DNAH8: variants seen among roughly 807,000 people sequenced by gnomAD.
DNAH8 encodes the protein axonemal beta dynein heavy chain 8.
In DNAH8, 382 loss-of-function variants were observed where a neutral mutation model predicts 562.1. That is an observed-to-expected ratio of 0.68 (90% confidence interval 0.63 to 0.74). The LOEUF is 0.74. Among genes scored for constraint, DNAH8 ranks in the 30% least tolerant of loss-of-function variants. The pLI is 0.00. For missense variants in DNAH8, 5,203 were observed against 5,620.4 expected (o/e 0.93, Z 2.37); for synonymous variants, 1,881 against 1,919.4 (o/e 0.98, Z 0.52).
At chr6:38,892,448 GCTT>G (rs1258678055) in intron 58 of DNAH8, among the ~76,000 whole-genome samples, 1 of 152,050 alleles carries the variant, frequency 6.6e-6, no homozygotes, top group African/African-American at 2.4e-5. Context: ...CAGTTATCCT[GCTT>G]CTTAGGTTAA....
At chr6:38,886,728 A>G in intron 56 of DNAH8, 63 bp from the exon 57 acceptor site, 2 of 1,239,752 alleles carry the variant, frequency 1.6e-6, no homozygotes, top group South Asian at 1.2e-5. Context: ...GTACTATTTT[A>G]TTGAAGTTAT....
At chr6:38,743,234 C>T (rs1036294018) in intron 8 of DNAH8, among the ~76,000 whole-genome samples, 3 of 151,954 alleles carry the variant, frequency 2.0e-5, no homozygotes, top group Non-Finnish European at 2.9e-5. Flanking sequence ...AACTCCTGGG[C>T]TCAAGCGATT....
intron 58 of DNAH8, among the ~76,000 whole-genome samples, chr6:38,893,363 A>G (rs1779464424): frequency 6.6e-6 from 1 of 152,208 alleles, no homozygotes; most frequent in Non-Finnish European, 1.5e-5. Context: ...TGAAAAGTAG[A>G]GGGAAATATT....
intron 67 of DNAH8, 27 bp from the exon 68 acceptor site, chr6:38,915,174 C>G: frequency 6.4e-7 from 1 of 1,564,424 alleles, no homozygotes; most frequent in Non-Finnish European, 8.6e-7. Context: ...TTTCTATTGG[C>G]TTTCATGTGT....
At chr6:38,734,386 C>T (rs1763915968) in intron 4 of DNAH8, 88 bp from the exon 5 acceptor site, 1 of 1,346,622 alleles carries the variant, frequency 7.4e-7, no homozygotes. Flanking sequence ...TAAAGTAAAA[C>T]AGGAAACAAT....
intron 85 of DNAH8, among the ~76,000 whole-genome samples, chr6:38,981,063 T>TGTA (rs1554152118): frequency 1.2e-3 from 109 of 88,322 alleles, no homozygotes; most frequent in Non-Finnish European, 1.9e-3. Flanking sequence ...GTGTGTGTGT[T>TGTA]GAGTTGGGGA....
rs1782084741 is a variant in DNAH8 at position 38,925,999 on chromosome 6, T to G, written c.10963-56T>G. On this transcript the variant is annotated intron_variant, in intron 73 of 92. Coordinates refer to ENST00000327475, the MANE Select transcript of DNAH8 (RefSeq NM_001206927.2). The stretch of plus-strand genomic sequence containing the variant: ...TTTACTTTACAGTACTTTTAATTAC[T>G]AATGAGGGCATTCCTGTTCTCCTTT... 2.1e-6 allele frequency: 3 copies of G among 1,451,544 alleles called. No homozygotes were observed. The Admixed American group carries it at 6.3e-5, about 31-fold the overall frequency. 89.9% of individuals were successfully genotyped at this position (1,451,544 alleles called of 1,614,324 possible). A position where few individuals can be genotyped will look rare whatever the true frequency, so the allele number is the denominator to read the frequency against.
chr6:38,780,763 A>G (rs1236829222), intron 15 of DNAH8, among the ~76,000 whole-genome samples: 4 of 152,200 alleles, frequency 2.6e-5, no homozygotes, highest in African/African-American at 9.7e-5. Flanking sequence ...TGATGAAAAA[A>G]TCTGTACAAC....
At chr6:38,970,954 G>T (rs565901366) in intron 82 of DNAH8, among the ~76,000 whole-genome samples, 100 of 152,250 alleles carry the variant, frequency 6.6e-4, no homozygotes, top group African/African-American at 2.2e-3. Flanking sequence ...ATTTCTCATC[G>T]TGGAGTGTTT....
chr6:38,816,264 ATG>A lies in DNAH8; in HGVS notation c.3523+611_3523+612del, dbSNP rs1288011803. Among the ~76,000 whole-genome samples the A allele has an allele frequency of 2.0e-5, 3 of 151,776 alleles. No individual in the cohort carries two copies. In the East Asian group the frequency reaches 5.8e-4, roughly 29 times the overall value. ...CCATCCCCCACCAACAGGCTCCAGTATGTGTTGTTCCCCTCCCTATGTCAATG... is the reference window on the plus strand; with the variant it reads ...CCATCCCCCACCAACAGGCTCCAGTATGTTGTTCCCCTCCCTATGTCAATG... On this transcript the variant is annotated intron_variant, in intron 26 of 92. Coordinates refer to ENST00000327475, the MANE Select transcript of DNAH8 (RefSeq NM_001206927.2).
intron 33 of DNAH8, 99 bp downstream of exon 33, chr6:38,838,141 C>T: frequency 1.4e-6 from 1 of 733,076 alleles, no homozygotes; most frequent in East Asian, 2.8e-5. Flanking sequence ...GCAGAGGACA[C>T]TACAGCTTGG....
chr6:38,883,497 A>G (rs368215571), intron 55 of DNAH8, 41 bp downstream of exon 55: 1 of 1,542,740 alleles, frequency 6.5e-7, no homozygotes, highest in Non-Finnish European at 8.8e-7. Context: ...AACATAATAC[A>G]TTTTAAATTA....
At position 38,815,619 on chromosome 6, in the gene DNAH8, C is replaced by T; in HGVS notation, c.3485C>T (p.Thr1162Ile). 8 of 1,613,058 alleles carry T rather than the reference C, an allele frequency of 5.0e-6. No homozygotes were observed. The highest frequency in any genetic ancestry group is 6.8e-6 in the Non-Finnish European group (8 of 1,179,394). ...VIPSPTTTDV[T>I]HQNTGKLLKK... The stretch of plus-strand genomic sequence containing the variant: ...CCCAGCCCCACCACTACTGACGTGA[C>T]CCATCAAAACACAGGAAAACTGCTG... The change falls in exon 26 of 93, where the codon ACC becomes ATC. Residue 1162 changes from threonine (T) to isoleucine (I), a missense_variant. Coordinates refer to ENST00000327475, the MANE Select transcript of DNAH8 (RefSeq NM_001206927.2).
At chr6:38,871,504 C>T (rs1235189466) in intron 49 of DNAH8, among the ~76,000 whole-genome samples, 1 of 152,166 alleles carries the variant, frequency 6.6e-6, no homozygotes. Context: ...TGCTCTTGAA[C>T]ATGTCAGGAA....
chr6:38,940,021 C>T (rs559911032), intron 79 of DNAH8, among the ~76,000 whole-genome samples: 2 of 152,214 alleles, frequency 1.3e-5, no homozygotes, highest in South Asian at 4.1e-4. Context: ...AAACTGGTGA[C>T]ATACTGTGGA....
intron 7 of DNAH8, among the ~76,000 whole-genome samples, chr6:38,740,062 G>C (rs766134001): frequency 1.3e-5 from 2 of 152,020 alleles, no homozygotes; most frequent in Non-Finnish European, 2.9e-5. Flanking sequence ...TGTCTCACTG[G>C]TGTATTTATT....
At chr6:38,855,232 T>C (rs545360071) in intron 41 of DNAH8, among the ~76,000 whole-genome samples, 2 of 152,154 alleles carry the variant, frequency 1.3e-5, no homozygotes, top group African/African-American at 4.8e-5. Flanking sequence ...GGATCCTTGC[T>C]GCAAAATTTT....
In DNAH8 at chr6:38,995,059, C is replaced by CTTT. The variant is rs149324423; in HGVS notation, c.13214+4898_13214+4900dup. On this transcript the variant is annotated intron_variant, in intron 88 of 92. Coordinates refer to ENST00000327475, the MANE Select transcript of DNAH8 (RefSeq NM_001206927.2). ...ATAGTTATAGTCTCCCCTCATTGCTCTTTTTTTTTTTTTCTGAGCTTGTCC... is the reference window on the plus strand; with the variant it reads ...ATAGTTATAGTCTCCCCTCATTGCTCTTTTTTTTTTTTTTTTCTGAGCTTGTCC... Among the ~76,000 whole-genome samples, 209 of 138,758 alleles carry CTTT rather than the reference C, an allele frequency of 1.5e-3. 1 individual carries two copies. Among genetic ancestry groups the CTTT allele is most frequent in the African/African-American group, 5.5e-3 (204 of 37,162 alleles). The allele number at this position is 138,758 out of a possible 152,430, so 91.0% of individuals were successfully genotyped here.
At chr6:38,780,826 A>C (rs1768511185) in intron 15 of DNAH8, among the ~76,000 whole-genome samples, 1 of 152,198 alleles carries the variant, frequency 6.6e-6, no homozygotes, top group Non-Finnish European at 1.5e-5. Flanking sequence ...ACAAACATGT[A>C]ACCCTGAACT....
Sources: allele counts gnomAD v4.1 joint callset (sites outside exome capture counted in the v4.1 genomes callset), GRCh38; gene constraint gnomAD v4.1.1; transcripts MANE v1.5; gene names NCBI Gene and HGNC (gene_info 2026-07-23, HGNC 2026-07-21).